Variants in PCDHA3 observed in about 807,000 individuals in gnomAD.
PCDHA3 encodes protocadherin alpha 3.
A neutral mutation model predicts 62.2 loss-of-function variants in PCDHA3; 41 were observed. The ratio of observed to expected loss-of-function variants is 0.66; its 90% CI spans 0.51 to 0.86. The LOEUF (loss-of-function observed/expected upper bound fraction) is 0.86, where lower values mean the gene tolerates loss of function less well. PCDHA3 is among the 40% of genes least tolerant of loss of function. PCDHA3 has a pLI of 0.00. For missense variants in PCDHA3, 1,304 were observed against 1,241.2 expected, an observed-to-expected ratio of 1.05 and a Z score of -0.76; for synonymous variants, 640 against 555.4, an observed-to-expected ratio of 1.15 and a Z score of -2.14.
chr5:140,834,888 A>G (rs2150228712), intron 1 of PCDHA3: 2 of 1,605,238 alleles, frequency 1.2e-6, no homozygotes, highest in African/African-American at 1.4e-5. Context: ...CGCCCTGCTC[A>G]CTTACAGACT....
rs782463768 is a variant in PCDHA3, at chr5:140,803,220, G to A, written c.2023G>A (p.Ala675Thr). The change falls in exon 1 of 4, where the codon GCA becomes ACA. Residue 675 changes from alanine to threonine, a missense_variant. Ala to Thr is a moderately conservative substitution (Grantham distance 58, BLOSUM62 0). Transcript: ENST00000522353. ...GGTGTCGCTGGTGGAGAGTGGCCAG[G>A]CACCCAAGGCCTCGTCCCAGGCGTC... ...VLVSLVESGQ[A>T]PKASSQASAG... 48 of 1,613,816 alleles carry A rather than the reference G, an allele frequency of 3.0e-5. No homozygotes were observed. The South Asian group carries it at 4.6e-4, about 16-fold the overall frequency.
At chr5:141,009,529 T>C in intron 3 of PCDHA3, 98 bp from the exon 4 acceptor site, 2 of 1,505,630 alleles carry the variant, frequency 1.3e-6, no homozygotes, top group Non-Finnish European at 1.8e-6. Context: ...TCTGGGGAGG[T>C]TCAGCCTGCC....
chr5:140,863,384 C>A (rs563178599), intron 1 of PCDHA3: 2 of 1,044,912 alleles, frequency 1.9e-6, no homozygotes, highest in South Asian at 1.2e-5. Flanking sequence ...ACCGAGAGCT[C>A]GTGCATGCCG....
intron 1 of PCDHA3, among the ~76,000 whole-genome samples, chr5:140,903,228 C>T (rs1417505177): frequency 1.3e-5 from 2 of 152,112 alleles, no homozygotes; most frequent in Non-Finnish European, 2.9e-5. Flanking sequence ...ACATCTATTA[C>T]TTTTTGATTT....
chr5:140,807,737 C>T (rs3822346), intron 1 of PCDHA3: 868,815 of 1,613,860 alleles, frequency 0.54, 235,594 homozygotes, highest in African/African-American at 0.7. Flanking sequence ...GGAAAAACCA[C>T]CTGATGACGA....
intron 1 of PCDHA3, chr5:140,877,085 G>T: frequency 6.2e-7 from 1 of 1,613,214 alleles, no homozygotes; most frequent in Non-Finnish European, 8.5e-7. Context: ...GTGAGCGCGC[G>T]CGACGCCGGC....
In PCDHA3 at chr5:140,801,289, T is replaced by C. The variant is rs1554121363; in HGVS notation, c.92T>C (p.Leu31Pro). 6.2e-7 allele frequency: 1 copy of C among 1,613,496 alleles called. No homozygotes were observed. The highest frequency in any genetic ancestry group is 1.3e-5 in the African/African-American group (1 of 75,048). ...GCCTCGGAGGTGGGGAGCGGCCAGC[T>C]CCACTACTCCGTCTCTGAGGAGGCC... ...LAASEVGSGQ[L>P]HYSVSEEAKH... is the part of the protein sequence containing the mutation. Residue 31 changes from leucine (L) to proline (P), a missense_variant, in exon 1 of 4, where the codon CTC becomes CCC. Physicochemically the swap from Leu to Pro is moderately conservative, Grantham distance 98 (BLOSUM62 -3). Coordinates refer to ENST00000522353, the MANE Select transcript of PCDHA3 (RefSeq NM_018906.3).
At chr5:140,820,915 C>A (rs1258201028) in intron 1 of PCDHA3, among the ~76,000 whole-genome samples, 5 of 151,742 alleles carry the variant, frequency 3.3e-5, no homozygotes, top group Non-Finnish European at 7.4e-5. Context: ...TTCTATTATG[C>A]TTTTGATTTC....
chr5:140,975,759 A>G (rs1420459945), intron 1 of PCDHA3, among the ~76,000 whole-genome samples: 1 of 152,248 alleles, frequency 6.6e-6, no homozygotes, highest in Non-Finnish European at 1.5e-5. Context: ...TCTATGTCAT[A>G]AATCACAGAT....
intron 1 of PCDHA3, among the ~76,000 whole-genome samples, chr5:140,921,809 C>CA (rs1184598188): frequency 6.6e-6 from 1 of 151,940 alleles, no homozygotes; most frequent in Non-Finnish European, 1.5e-5. Context: ...AGATAAGATA[C>CA]ATGTGTGAAT....
chr5:140,803,205 G>A lies in PCDHA3; in HGVS notation c.2008G>A (p.Val670Met), dbSNP rs1485763647. 6.2e-7 allele frequency: 1 copy of A among 1,613,898 alleles called. No homozygotes were observed. The highest frequency in any genetic ancestry group is 8.5e-7 in the Non-Finnish European group (1 of 1,179,934). ...TATATVLVSL[V>M]ESGQAPKASS... The stretch of plus-strand genomic sequence containing the variant: ...CACGGCCACTGTGCTGGTGTCGCTG[G>A]TGGAGAGTGGCCAGGCACCCAAGGC... The change falls in exon 1 of 4, where the codon GTG becomes ATG. Residue 670 changes from valine (V) to methionine (M), a missense_variant. Transcript: ENST00000522353.
At chr5:140,886,155 T>A (rs528104847) in intron 1 of PCDHA3, among the ~76,000 whole-genome samples, 1 of 152,330 alleles carries the variant, frequency 6.6e-6, no homozygotes, top group South Asian at 2.1e-4. Flanking sequence ...CACCTTTTTA[T>A]AGCCACATCT....
intron 1 of PCDHA3, among the ~76,000 whole-genome samples, chr5:140,947,798 A>C (rs1164932467): frequency 7.3e-5 from 11 of 151,710 alleles, no homozygotes; most frequent in African/African-American, 1.9e-4. Context: ...CAGACTTTTA[A>C]TTTGCAGAGA....
At chr5:140,974,779 C>T (rs950634910) in intron 1 of PCDHA3, among the ~76,000 whole-genome samples, 1 of 152,160 alleles carries the variant, frequency 6.6e-6, no homozygotes, top group African/African-American at 2.4e-5. Context: ...TGAGCCACTG[C>T]GCCCAGCCCT....
chr5:140,900,342 A>T (rs965236795), intron 1 of PCDHA3, among the ~76,000 whole-genome samples: 3 of 152,034 alleles, frequency 2.0e-5, no homozygotes, highest in South Asian at 2.1e-4. Context: ...CCGTGGCGCA[A>T]TCTTGGCTCA....
chr5:140,876,378 T>A, intron 1 of PCDHA3: 1 of 1,613,948 alleles, frequency 6.2e-7, no homozygotes, highest in Non-Finnish European at 8.5e-7. Context: ...CAGGTGAAAT[T>A]AGAATTTATG....
At chr5:140,823,024 G>A (rs2150121461) in intron 1 of PCDHA3, 3 of 1,614,202 alleles carry the variant, frequency 1.9e-6, no homozygotes, top group Admixed American at 1.7e-5. Context: ...CCGCGAGAGC[G>A]TGTCGGTCTA....
At chr5:140,970,815 A>G (rs782758365) in intron 1 of PCDHA3, among the ~76,000 whole-genome samples, 2 of 152,114 alleles carry the variant, frequency 1.3e-5, no homozygotes, top group Non-Finnish European at 2.9e-5. Flanking sequence ...TTTCAAGTTC[A>G]TGGTAATCTT....
At chr5:140,960,306 A>G (rs1554224657) in intron 1 of PCDHA3, among the ~76,000 whole-genome samples, 1 of 152,136 alleles carries the variant, frequency 6.6e-6, no homozygotes, top group African/African-American at 2.4e-5. Context: ...ATCAATACCA[A>G]CCTCATTAGG....
Sources: gnomAD v4.1 joint callset for allele counts (sites outside exome capture counted in the v4.1 genomes callset) on GRCh38, gnomAD v4.1.1 for gene constraint, MANE v1.5 for transcripts, NCBI Gene and HGNC (gene_info 2026-07-23, HGNC 2026-07-21) for gene names.